Variants in MSH4 observed in about 807,000 individuals in gnomAD.
The protein encoded by MSH4 is mutS protein homolog 4.
In MSH4, 106 loss-of-function variants were observed where a neutral mutation model predicts 113.7. That is an observed-to-expected ratio of 0.93 (90% CI 0.80 to 1.10). The LOEUF (loss-of-function observed/expected upper bound fraction) is 1.10. MSH4 is among the 50% of genes least tolerant of loss of function. The pLI is 0.00. For missense variants in MSH4, 1,061 were observed against 1,093.7 expected, an observed-to-expected ratio of 0.97 and a Z score of 0.42; for synonymous variants, 368 against 380.2, an observed-to-expected ratio of 0.97 and a Z score of 0.37.
At chr1:75,860,927 C>G (rs1019532600) in intron 8 of MSH4, among the ~76,000 whole-genome samples, 1 of 152,170 alleles carries the variant, frequency 6.6e-6, no homozygotes, top group Non-Finnish European at 1.5e-5. Context: ...GTCTTTTCAC[C>G]TAGTCCCATA....
intron 2 of MSH4, 147 bp from the exon 3 acceptor site, chr1:75,806,834 C>A: frequency 3.0e-6 from 2 of 670,284 alleles, no homozygotes; most frequent in Non-Finnish European, 4.6e-6. Context: ...ACCAATAGAT[C>A]CTTTAGGGAG....
intron 7 of MSH4, among the ~76,000 whole-genome samples, chr1:75,837,567 A>G (rs1199871919): frequency 6.6e-6 from 1 of 151,866 alleles, no homozygotes; most frequent in Non-Finnish European, 1.5e-5. Context: ...TTGTATTTTT[A>G]GTAGAGATGG....
At chr1:75,832,028 T>C (rs1003006653) in intron 7 of MSH4, among the ~76,000 whole-genome samples, 2 of 152,096 alleles carry the variant, frequency 1.3e-5, no homozygotes, top group Admixed American at 1.3e-4. Context: ...ACAAAATTGA[T>C]AGACCACTAG....
chr1:75,806,995 G>C lies in MSH4; in HGVS notation c.442G>C (p.Ala148Pro), dbSNP rs1450059833. Residue 148 changes from alanine to proline, a missense_variant, in exon 3 of 20, where the codon GCG becomes CCG. Physicochemically the swap from Ala to Pro is conservative, Grantham distance 27. Coordinates refer to ENST00000263187, the MANE Select transcript of MSH4 (RefSeq NM_002440.4). The part of the protein sequence containing the change: ...QVGYSASSSS[A>P]ISAHSPSVIV... ...AAAATTTACAGCTTCATCCTCATCT[G>C]CGATTTCTGCACACTCCCCATCAGT... 3.2e-6 allele frequency: 5 copies of C among 1,572,422 alleles called. No individual in the cohort carries two copies. The South Asian group carries it at 4.9e-5, about 15-fold the overall frequency.
chr1:75,910,994 G>T (rs1489665053), intron 19 of MSH4, among the ~76,000 whole-genome samples: 1 of 151,680 alleles, frequency 6.6e-6, no homozygotes, highest in African/African-American at 2.4e-5. Flanking sequence ...AACTTTTAAT[G>T]ATTTATTACA....
chr1:75,841,673 T>C lies in MSH4; in HGVS notation c.1163-6536T>C, dbSNP rs1032037798. 5.9e-5 allele frequency among the ~76,000 whole-genome samples: 9 copies of C among 152,280 alleles called. 1 individual carries two copies. The highest frequency in any genetic ancestry group is 2.2e-4 in the African/African-American group (9 of 41,558). ...TTCAGGCAATATGGAGCTGACATTC[T>C]GAACCTAGAGAGTACTGATCAAATC... On this transcript the variant is annotated intron_variant, in intron 7 of 19. Transcript: ENST00000263187.
At chr1:75,894,430 C>A (rs947503401) in intron 17 of MSH4, among the ~76,000 whole-genome samples, 1 of 152,172 alleles carries the variant, frequency 6.6e-6, no homozygotes, top group Non-Finnish European at 1.5e-5. Context: ...CTGCAGTCAC[C>A]AAGACTGACC....
At chr1:75,842,030 A>C (rs1650970081) in intron 7 of MSH4, among the ~76,000 whole-genome samples, 2 of 152,196 alleles carry the variant, frequency 1.3e-5, no homozygotes, top group Non-Finnish European at 2.9e-5. Context: ...AGATAGTCGG[A>C]GTACAGCTTG....
chr1:75,906,746 G>T (rs1347938413), intron 19 of MSH4, among the ~76,000 whole-genome samples: 1 of 147,114 alleles, frequency 6.8e-6, no homozygotes, highest in Non-Finnish European at 1.5e-5. Context: ...CTGACATTTT[G>T]ATTTTTTCTT....
intron 8 of MSH4, among the ~76,000 whole-genome samples, chr1:75,864,021 T>A (rs5745418): frequency 0.054 from 8,180 of 152,216 alleles, 376 homozygotes; most frequent in African/African-American, 0.12. Flanking sequence ...TTTCTACCTG[T>A]CTCCAAAAAG....
Position 75,857,063 on chromosome 1 carries a change from T to C in MSH4, c.1230+8787T>C, listed in dbSNP as rs554664532. On this transcript the variant is annotated intron_variant, in intron 8 of 19. Coordinates refer to ENST00000263187, the MANE Select transcript of MSH4 (RefSeq NM_002440.4). Reference sequence around the variant, plus strand: ...GGGATGATAAGCATTTTTTCATATGTCTGTTGGCTGCATAAATGTCTTCTT... The same window carrying C: ...GGGATGATAAGCATTTTTTCATATGCCTGTTGGCTGCATAAATGTCTTCTT... Among the ~76,000 whole-genome samples the C allele has an allele frequency of 3.9e-5, 6 of 152,346 alleles. No homozygotes were observed. The East Asian group carries it at 1.2e-3, about 29-fold the overall frequency.
At chr1:75,798,868 T>G (rs1649875776) in intron 1 of MSH4, among the ~76,000 whole-genome samples, 1 of 152,124 alleles carries the variant, frequency 6.6e-6, no homozygotes, top group Non-Finnish European at 1.5e-5. Context: ...CTCAAACTCT[T>G]AAGTGTTCTT....
At chr1:75,806,261 T>C (rs1650057225) in intron 2 of MSH4, among the ~76,000 whole-genome samples, 1 of 69,518 alleles carries the variant, frequency 1.4e-5, no homozygotes, top group Non-Finnish European at 3.2e-5. Flanking sequence ...TTTTTTTTTT[T>C]TTTTGAGAAG....
At chr1:75,904,681 T>G (rs982734047) in intron 19 of MSH4, among the ~76,000 whole-genome samples, 2 of 152,054 alleles carry the variant, frequency 1.3e-5, no homozygotes, top group African/African-American at 4.8e-5. Flanking sequence ...TGGCTAATTT[T>G]TATTTATTTA....
intron 15 of MSH4, among the ~76,000 whole-genome samples, chr1:75,885,059 G>C (rs553277259): frequency 1.8e-5 from 2 of 112,562 alleles, no homozygotes; most frequent in Admixed American, 9.8e-5. Flanking sequence ...GTGTGTGTGT[G>C]TATATATATA....
chr1:75,820,792 T>C (rs1190848941), intron 6 of MSH4, among the ~76,000 whole-genome samples: 1 of 152,044 alleles, frequency 6.6e-6, no homozygotes, highest in Non-Finnish European at 1.5e-5. Flanking sequence ...ACAACAAAGA[T>C]CAAAAGAGAC....
chr1:75,841,361 C>A (rs1330307946), intron 7 of MSH4, among the ~76,000 whole-genome samples: 2 of 151,980 alleles, frequency 1.3e-5, no homozygotes, highest in Non-Finnish European at 2.9e-5. Flanking sequence ...CCATGCCTGG[C>A]TAATTTTTAC....
At chr1:75,860,971 T>C (rs532004985) in intron 8 of MSH4, among the ~76,000 whole-genome samples, 5 of 152,194 alleles carry the variant, frequency 3.3e-5, no homozygotes, top group Non-Finnish European at 5.9e-5. Context: ...CTTTTCACTC[T>C]TTTTTCTCTA....
intron 7 of MSH4, among the ~76,000 whole-genome samples, chr1:75,832,191 A>C (rs1292335377): frequency 6.6e-6 from 1 of 152,236 alleles, no homozygotes; most frequent in Admixed American, 6.5e-5. Context: ...TCTAGAAGAA[A>C]TGGATAAATT....
Sources: gnomAD v4.1 joint callset for allele counts (sites outside exome capture counted in the v4.1 genomes callset) on GRCh38, gnomAD v4.1.1 for gene constraint, MANE v1.5 for transcripts, NCBI Gene and HGNC (gene_info 2026-07-23, HGNC 2026-07-21) for gene names.